The following CTRC variants were observed in gnomAD, a reference collection of about 807,000 sequenced individuals.
The protein encoded by CTRC is chymotrypsin C, also known as chymotrypsin-C.
A neutral mutation model predicts 35.7 loss-of-function variants in CTRC; 32 were observed. That is an observed-to-expected ratio of 0.90 (90% CI 0.68 to 1.20). The LOEUF (loss-of-function observed/expected upper bound fraction) is 1.20. Ranked by LOEUF, CTRC falls within the 50% of genes most tolerant of loss-of-function variation. The pLI, the probability that CTRC is intolerant of heterozygous loss-of-function variation, is 0.00. For missense variants in CTRC, 324 were observed against 361.5 expected, an observed-to-expected ratio of 0.90 and a Z score of 0.84; for synonymous variants, 119 against 149.5, an observed-to-expected ratio of 0.80 and a Z score of 1.49.
Position 15,442,591 on chromosome 1 carries a change from A to C in CTRC, c.356+19A>C. The C allele has an allele frequency of 6.2e-7, 1 of 1,613,730 alleles. No individual in the cohort carries two copies. Among genetic ancestry groups the C allele is most frequent in the East Asian group, 2.2e-5 (1 of 44,856 alleles). On this transcript the variant is annotated intron_variant, in intron 4 of 7. Transcript: ENST00000375949. ...TGTTGCGGTGAGTGACAGACTGCCC[A>C]TCCCACAGCCACTGGGGGCAGTGTG...
At chr1:15,440,978 G>C (rs371434285) in intron 3 of CTRC, among the ~76,000 whole-genome samples, 1 of 152,116 alleles carries the variant, frequency 6.6e-6, no homozygotes, top group Non-Finnish European at 1.5e-5. Flanking sequence ...TCAGGAGTTC[G>C]AGACCAGCCT....
At position 15,445,638 on chromosome 1, in the gene CTRC, T is replaced by C. The variant is rs1389820334; in HGVS notation, c.681T>C (p.Gly227=). 1.2e-6 allele frequency: 2 copies of C among 1,614,148 alleles called. No homozygotes were observed. Among genetic ancestry groups the C allele is most frequent in the Non-Finnish European group, 1.7e-6 (2 of 1,180,012 alleles). ...CACTGAACTGCCAGTTGGAGAACGG[T>C]TCCTGGGAGGTGTTTGGCATCGTCA... ...GGPLNCQLEN[G]SWEVFGIVSF... is the part of the protein sequence containing the mutation. The change falls in exon 7 of 8, where the codon GGT becomes GGC. Residue 227 remains glycine, a synonymous_variant. Transcript: ENST00000375949.
chr1:15,440,197 C>T, intron 1 of CTRC, 103 bp from the exon 2 acceptor site: 1 of 1,075,040 alleles, frequency 9.3e-7, no homozygotes, highest in Non-Finnish European at 1.4e-6. Context: ...CCGTGTCTGC[C>T]CAGCCCCAAC....
Position 15,442,427 on chromosome 1 carries a change from G to A in CTRC, c.231-20G>A. 1 of 1,601,498 alleles carries A rather than the reference G, an allele frequency of 6.2e-7. No individual in the cohort carries two copies. The highest frequency in any genetic ancestry group is 8.5e-7 in the Non-Finnish European group (1 of 1,173,860). On this transcript the variant is annotated intron_variant, in intron 3 of 7. Transcript: ENST00000375949. ...CAGGACCAGGGGGCCACCCTGACCT[G>A]GACCCCTTCCTCTGCCCAGCAACAC...
intron 1 of CTRC, among the ~76,000 whole-genome samples, chr1:15,439,939 GC>G (rs889055653): frequency 2.6e-5 from 4 of 152,024 alleles, no homozygotes; most frequent in Admixed American, 2.6e-4. Context: ...ACAGGGTTTC[GC>G]CATGTTGGCC....
At position 15,445,611 on chromosome 1, in the gene CTRC, C is replaced by T. The variant is rs1294027681; in HGVS notation, c.654C>T (p.Gly218=). Reference sequence around the variant, plus strand: ...GTCTGGTGCAGGGGGACTCCGGTGGCCCACTGAACTGCCAGTTGGAGAACG... The same window carrying T: ...GTCTGGTGCAGGGGGACTCCGGTGGTCCACTGAACTGCCAGTTGGAGAACG... ...VISACNGDSG[G]PLNCQLENGS... is the part of the protein sequence containing the mutation. The change falls in exon 7 of 8, where the codon GGC becomes GGT. Residue 218 remains glycine, a synonymous_variant. Coordinates refer to ENST00000375949, the MANE Select transcript of CTRC (RefSeq NM_007272.3). 1 of 1,614,068 alleles carries T rather than the reference C, an allele frequency of 6.2e-7. No individual in the cohort carries two copies. The highest frequency in any genetic ancestry group is 8.5e-7 in the Non-Finnish European group (1 of 1,180,038).
At chr1:15,444,883 A>G in intron 6 of CTRC, 132 bp downstream of exon 6, 1 of 1,151,514 alleles carries the variant, frequency 8.7e-7, no homozygotes, top group South Asian at 1.3e-5. Flanking sequence ...CAGCAGGCTC[A>G]GGGTAAGCCC....
intron 6 of CTRC, 61 bp downstream of exon 6, chr1:15,444,812 G>A (rs1379012049): frequency 2.5e-6 from 4 of 1,606,152 alleles, no homozygotes; most frequent in East Asian, 2.2e-5. Flanking sequence ...TGTGGGCAAA[G>A]GGGGGTGCGA....
chr1:15,446,666 G>T lies in CTRC; in HGVS notation c.*77G>T. 6.5e-7 allele frequency: 1 copy of T among 1,529,490 alleles called. No individual in the cohort carries two copies. Among genetic ancestry groups the T allele is most frequent in the South Asian group, 1.1e-5 (1 of 89,368 alleles). 94.7% of individuals were successfully genotyped at this position (1,529,490 alleles called of 1,614,324 possible). A position where few individuals can be genotyped will look rare whatever the true frequency, so the allele number is the denominator to read the frequency against. The stretch of plus-strand genomic sequence containing the variant: ...TTCTCCTCGGGCCACCTGGATCCTT[G>T]ATTTGTGCAGCTTCTGTTGCTTCCC... On this transcript the variant is annotated 3_prime_UTR_variant, in exon 8 of 8. Transcript: ENST00000375949.
chr1:15,439,926 G>C (rs1025728558), intron 1 of CTRC, among the ~76,000 whole-genome samples: 4 of 152,160 alleles, frequency 2.6e-5, no homozygotes, highest in Non-Finnish European at 4.4e-5. Context: ...ATTTTTAGTA[G>C]AGACAGGGTT....
chr1:15,446,957 G>C lies in CTRC; in HGVS notation c.*368G>C. 1 of 387,532 alleles carries C rather than the reference G, an allele frequency of 2.6e-6. No individual in the cohort carries two copies. Among genetic ancestry groups the C allele is most frequent in the East Asian group, 6.0e-5 (1 of 16,706 alleles). The allele number at this position is 387,532 out of a possible 1,614,324, so 24.0% of individuals were successfully genotyped here. A position where few individuals can be genotyped will look rare whatever the true frequency, so the allele number is the denominator to read the frequency against. On this transcript the variant is annotated 3_prime_UTR_variant, in exon 8 of 8. Coordinates refer to ENST00000375949, the MANE Select transcript of CTRC (RefSeq NM_007272.3). ...ACAAGCTGCGAACAGGTGAGACCCT[G>C]ATGAAATCACTCGCTTCTCCGATCC...
intron 7 of CTRC, 101 bp downstream of exon 7, chr1:15,445,850 TCATTTATTCACTCATTCATG>T (rs1223448009): frequency 9.4e-6 from 13 of 1,382,714 alleles, no homozygotes; most frequent in East Asian, 4.6e-5. Context: ...ATTCATTCAT[TCATTTATTCACTCATTCATG>T]CATTTATTCA....
rs752325171 is a variant in CTRC, at chr1:15,446,648, C to A, written c.*59C>A. The A allele has an allele frequency of 6.3e-7, 1 of 1,595,186 alleles. No homozygotes were observed. The highest frequency in any genetic ancestry group is 8.6e-7 in the Non-Finnish European group (1 of 1,162,652). On this transcript the variant is annotated 3_prime_UTR_variant, in exon 8 of 8. Transcript: ENST00000375949. ...CAACAGCAATAAACTTCCTTCTCCT[C>A]GGGCCACCTGGATCCTTGATTTGTG...
chr1:15,440,226 G>GGGCCCC, intron 1 of CTRC, 74 bp from the exon 2 acceptor site: 3 of 523,580 alleles, frequency 5.7e-6, no homozygotes, highest in Admixed American at 2.7e-5. Flanking sequence ...TCTTCCACCT[G>GGGCCCC]CCCACCCTCC....
At position 15,447,439 on chromosome 1, in the gene CTRC, G is replaced by A; in HGVS notation, c.*850G>A. On this transcript the variant is annotated 3_prime_UTR_variant, in exon 8 of 8. Transcript: ENST00000375949. Reference sequence around the variant, plus strand: ...GGAGTTGGGATAGCTGGCAATGCCTGATCCAGGAGAAGAGAGTTCTCCTGA... The same window carrying A: ...GGAGTTGGGATAGCTGGCAATGCCTAATCCAGGAGAAGAGAGTTCTCCTGA... The A allele has an allele frequency of 6.5e-6, 1 of 153,330 alleles. No homozygotes were observed. The allele number at this position is 153,330 out of a possible 1,614,324, so 9.5% of individuals were successfully genotyped here.
At chr1:15,442,672 C>A (rs1239068798) in intron 4 of CTRC, 100 bp downstream of exon 4, 6 of 1,516,082 alleles carry the variant, frequency 4.0e-6, no homozygotes, top group African/African-American at 1.4e-5. Context: ...ATACCTGACA[C>A]CCCATCCTCA....
chr1:15,440,225 T>TGA, intron 1 of CTRC, 75 bp from the exon 2 acceptor site: 5 of 608,668 alleles, frequency 8.2e-6, no homozygotes, highest in Admixed American at 2.2e-5. Flanking sequence ...TTCTTCCACC[T>TGA]GCCCACCCTC....
intron 4 of CTRC, 139 bp from the exon 5 acceptor site, chr1:15,443,280 G>T: frequency 1.1e-6 from 1 of 932,102 alleles, no homozygotes. Context: ...AGGCCAAGAA[G>T]AAGCTGGCAG....
At chr1:15,440,226 GCCCACCC>G in intron 1 of CTRC, 67 bp from the exon 2 acceptor site, 1 of 523,570 alleles carries the variant, frequency 1.9e-6, no homozygotes, top group Admixed American at 2.7e-5. Flanking sequence ...TCTTCCACCT[GCCCACCC>G]TCCCACCCCT....
Sources: allele counts gnomAD v4.1 joint callset (sites outside exome capture counted in the v4.1 genomes callset), GRCh38; gene constraint gnomAD v4.1.1; transcripts MANE v1.5; gene names NCBI Gene and HGNC (gene_info 2026-07-23, HGNC 2026-07-21).